Variants in ZNF706 observed in about 807,000 individuals in gnomAD.
The protein encoded by ZNF706 is transcriptional regulator ZNF706.
ZNF706 carries 4 observed loss-of-function variants against 9.2 expected under a neutral mutation model. The observed-to-expected ratio is 0.43, with a 90% CI of 0.21 to 0.99. ZNF706 has a LOEUF of 0.99. Among genes scored for constraint, ZNF706 ranks in the 50% least tolerant of loss-of-function variants. ZNF706 has a pLI of 0.26. For synonymous variants in ZNF706, 28 were observed against 27.3 expected (o/e 1.03, Z -0.08); for missense variants, 27 against 87.8 (o/e 0.31, Z 2.77).
In ZNF706 at chr8:101,205,117, G is replaced by A. The variant is rs1810705266; in HGVS notation, c.-3+318C>T. On this transcript the variant is annotated intron_variant, in intron 1 of 3. Coordinates refer to ENST00000311212, the MANE Select transcript of ZNF706 (RefSeq NM_016096.5). The surrounding 1 kb of genome is among the most constrained non-coding windows in gnomAD (Gnocchi z 6.6). ...GACCCTGGACCAAGACGCGCCTCCT[G>A]GAGGCCGAGACTGCCCGAAACCCGG... 1 of 198,070 alleles carries A rather than the reference G, an allele frequency of 5.0e-6. No individual in the cohort carries two copies. Among genetic ancestry groups the A allele is most frequent in the Non-Finnish European group, 9.1e-6 (1 of 110,196 alleles). 12.3% of individuals were successfully genotyped at this position (198,070 alleles called of 1,614,324 possible).
rs901656314 is a variant in ZNF706 at position 101,197,562 on chromosome 8, G to A, written c.*1690C>T. On this transcript the variant is annotated 3_prime_UTR_variant, in exon 4 of 4. Transcript: ENST00000311212. Reference sequence around the variant, plus strand: ...AAAAAAAAAACCAAAACTTGTGAATGGTTTTATATGATTTGTCACTAAACA... The same window carrying A: ...AAAAAAAAAACCAAAACTTGTGAATAGTTTTATATGATTTGTCACTAAACA... The A allele has an allele frequency of 6.6e-6, 1 of 151,158 alleles. No homozygotes were observed. Among genetic ancestry groups the A allele is most frequent in the Admixed American group, 6.6e-5 (1 of 15,186 alleles). The allele number at this position is 151,158 out of a possible 1,614,324, so 9.4% of individuals were successfully genotyped here.
intron 1 of ZNF706, chr8:101,203,932 T>C (rs1482560677): frequency 6.6e-6 from 1 of 152,250 alleles, no homozygotes; most frequent in Admixed American, 6.5e-5. Flanking sequence ...ATGTATTATT[T>C]GGACGACAGT....
intron 2 of ZNF706, among the ~76,000 whole-genome samples, chr8:101,200,613 T>C (rs1278813906): frequency 3.3e-5 from 5 of 152,192 alleles, no homozygotes; most frequent in African/African-American, 9.7e-5. Flanking sequence ...TAAAAGTCTG[T>C]GGTTTTGAGT....
Position 101,201,149 on chromosome 8 carries a change from C to G in ZNF706, c.135+458G>C, listed in dbSNP as rs1810542670. On this transcript the variant is annotated intron_variant, in intron 2 of 3. Transcript: ENST00000311212. This position sits in a 1 kb window ranked among gnomAD's most constrained non-coding sequence, Gnocchi z 4.5. ...CTGTTATTATTACAGTTCTTCAAATCTAATACAACACATTAATTCTAGGAA... is the reference window on the plus strand; with the variant it reads ...CTGTTATTATTACAGTTCTTCAAATGTAATACAACACATTAATTCTAGGAA... 6.2e-6 allele frequency: 1 copy of G among 161,204 alleles called. No homozygotes were observed. The highest frequency in any genetic ancestry group is 1.4e-5 in the Non-Finnish European group (1 of 72,928). 10.0% of individuals were successfully genotyped at this position (161,204 alleles called of 1,614,324 possible).
intron 3 of ZNF706, 25 bp downstream of exon 3, chr8:101,199,965 A>C: frequency 1.3e-6 from 2 of 1,531,218 alleles, no homozygotes; most frequent in Non-Finnish European, 1.8e-6. Flanking sequence ...TTATTAACAA[A>C]CCAATAGAAA....
chr8:101,204,870 G>A (rs1810695376), intron 1 of ZNF706: 20 of 985,710 alleles, frequency 2.0e-5, no homozygotes, highest in Non-Finnish European at 2.4e-5. Flanking sequence ...AAAGGAAGAG[G>A]CCCAGGCAGC....
At chr8:101,203,751 A>G (rs1810648523) in intron 1 of ZNF706, 1 of 152,160 alleles carries the variant, frequency 6.6e-6, no homozygotes, top group African/African-American at 2.4e-5. Flanking sequence ...CCACCAAACA[A>G]TGGTAAATAT....
chr8:101,199,162 AGTTT>A lies in ZNF706; in HGVS notation c.*86_*89del. 1 of 689,922 alleles carries A rather than the reference AGTTT, an allele frequency of 1.4e-6. No individual in the cohort carries two copies. The highest frequency in any genetic ancestry group is 2.6e-6 in the Non-Finnish European group (1 of 379,752). The allele number at this position is 689,922 out of a possible 1,614,324, so 42.7% of individuals were successfully genotyped here. A position where few individuals can be genotyped will look rare whatever the true frequency, so the allele number is the denominator to read the frequency against. On this transcript the variant is annotated 3_prime_UTR_variant, in exon 4 of 4. Transcript: ENST00000311212. Reference sequence around the variant, plus strand: ...AGCCCCTTTATTTTTGCTGATCAACAGTTTGTTAGAAAAGCAGCTGCAGGTATGT... The same window carrying A: ...AGCCCCTTTATTTTTGCTGATCAACAGTTAGAAAAGCAGCTGCAGGTATGT...
Position 101,199,108 on chromosome 8 carries a change from G to A in ZNF706, c.*144C>T. 1 of 612,318 alleles carries A rather than the reference G, an allele frequency of 1.6e-6. No individual in the cohort carries two copies. Among genetic ancestry groups the A allele is most frequent in the Non-Finnish European group, 2.9e-6 (1 of 339,188 alleles). The allele number at this position is 612,318 out of a possible 1,614,324, so 37.9% of individuals were successfully genotyped here. Reference sequence around the variant, plus strand: ...AATTGTCTTTGCATGAAGCCCAAGAGGGAACAGCATAAAAATGAGTGTTTC... The same window carrying A: ...AATTGTCTTTGCATGAAGCCCAAGAAGGAACAGCATAAAAATGAGTGTTTC... On this transcript the variant is annotated 3_prime_UTR_variant, in exon 4 of 4. Transcript: ENST00000311212.
Position 101,197,206 on chromosome 8 carries a change from C to T in ZNF706, c.*2046G>A, listed in dbSNP as rs763817079. The T allele has an allele frequency of 3.0e-4, 45 of 152,140 alleles. 1 individual carries two copies. The highest frequency in any genetic ancestry group is 8.8e-5 in the Non-Finnish European group (6 of 68,008). 9.4% of individuals were successfully genotyped at this position (152,140 alleles called of 1,614,324 possible). On this transcript the variant is annotated 3_prime_UTR_variant, in exon 4 of 4. Coordinates refer to ENST00000311212, the MANE Select transcript of ZNF706 (RefSeq NM_016096.5). ...TGGCAAGTAATAGAAATACAGCATA[C>T]AAATGGACCAATTCTCTCTCAGTGT... is the stretch of plus-strand genomic sequence containing the variant.
At chr8:101,204,727 C>T in intron 1 of ZNF706, 1 of 985,474 alleles carries the variant, frequency 1.0e-6, no homozygotes, top group Non-Finnish European at 1.2e-6. Context: ...GAAACGAGTT[C>T]TAAAATGAGG....
Position 101,198,997 on chromosome 8 carries a change from T to C in ZNF706, c.*255A>G. 1 of 413,300 alleles carries C rather than the reference T, an allele frequency of 2.4e-6. No homozygotes were observed. Among genetic ancestry groups the C allele is most frequent in the South Asian group, 8.3e-5 (1 of 12,082 alleles). 25.6% of individuals were successfully genotyped at this position (413,300 alleles called of 1,614,324 possible). On this transcript the variant is annotated 3_prime_UTR_variant, in exon 4 of 4. Coordinates refer to ENST00000311212, the MANE Select transcript of ZNF706 (RefSeq NM_016096.5). ...ATTTTACACAATATGAACATCAATA[T>C]AATTACAATTGTAAAAAAATTTTTT...
rs946715689 is a variant in ZNF706, at chr8:101,201,035, T to C, written c.135+572A>G. The C allele has an allele frequency of 2.5e-5, 5 of 199,270 alleles. No homozygotes were observed. The highest frequency in any genetic ancestry group is 5.4e-5 in the Non-Finnish European group (5 of 91,906). 12.3% of individuals were successfully genotyped at this position (199,270 alleles called of 1,614,324 possible). ...AAATGAGAACAATAAAAGTACTTTA[T>C]CTTATAGGGTTGTTATGTGGATTAA... On this transcript the variant is annotated intron_variant, in intron 2 of 3. Coordinates refer to ENST00000311212, the MANE Select transcript of ZNF706 (RefSeq NM_016096.5). This position sits in a 1 kb window ranked among gnomAD's most constrained non-coding sequence, Gnocchi z 4.5.
chr8:101,200,102 C>CA lies in ZNF706; in HGVS notation c.136-6dup. ...CTTAGGGTCTGGCATTTGTGTCTAA[C>CA]AAAAAATTGTGCAAAAGAGAGCTAG... On this transcript the variant is annotated splice_polypyrimidine_tract_variant and splice_region_variant and intron_variant, in intron 2 of 3. Coordinates refer to ENST00000311212, the MANE Select transcript of ZNF706 (RefSeq NM_016096.5). 1 of 1,611,178 alleles carries CA rather than the reference C, an allele frequency of 6.2e-7. No individual in the cohort carries two copies. Among genetic ancestry groups the CA allele is most frequent in the African/African-American group, 1.3e-5 (1 of 74,912 alleles).
intron 2 of ZNF706, chr8:101,200,984 TC>T: frequency 3.8e-6 from 1 of 260,818 alleles, no homozygotes; most frequent in Non-Finnish European, 8.0e-6. Flanking sequence ...TTGTTTAATT[TC>T]CATTAGTCAG....
chr8:101,201,557 G>A lies in ZNF706; in HGVS notation c.135+50C>T, dbSNP rs2212702. 75,824 of 1,571,612 alleles carry A rather than the reference G, an allele frequency of 0.048. 5,906 individuals carry two copies. Among genetic ancestry groups the A allele is most frequent in the African/African-American group, 0.35 (25,197 of 73,002 alleles). ...GGTTTCAAAATTTTAATCTATTCAA[G>A]CCAAAACTGCCCACGGGAGAGCTGT... On this transcript the variant is annotated intron_variant, in intron 2 of 3. Transcript: ENST00000311212. The surrounding 1 kb of genome is among the most constrained non-coding windows in gnomAD (Gnocchi z 4.5).
intron 3 of ZNF706, 33 bp from the exon 4 acceptor site, chr8:101,199,272 T>A (rs1367228277): frequency 2.9e-6 from 2 of 700,660 alleles, no homozygotes; most frequent in Admixed American, 2.0e-5. Flanking sequence ...TCAATGAATG[T>A]TACCATTGCA....
chr8:101,200,698 C>G (rs1243682737), intron 2 of ZNF706: 2 of 152,916 alleles, frequency 1.3e-5, no homozygotes, highest in Non-Finnish European at 1.5e-5. Context: ...AAAATTTGCA[C>G]CCTGCCTCTT....
At position 101,201,831 on chromosome 8, in the gene ZNF706, TTAAG is replaced by T. The variant is rs1810569406; in HGVS notation, c.-2-92_-2-89del. 1.7e-5 allele frequency: 23 copies of T among 1,353,364 alleles called. No homozygotes were observed. The highest frequency in any genetic ancestry group is 2.4e-5 in the East Asian group (1 of 42,084). The allele number at this position is 1,353,364 out of a possible 1,614,324, so 83.8% of individuals were successfully genotyped here. A position where few individuals can be genotyped will look rare whatever the true frequency, so the allele number is the denominator to read the frequency against. On this transcript the variant is annotated intron_variant, in intron 1 of 3. Transcript: ENST00000311212. The surrounding 1 kb of genome is among the most constrained non-coding windows in gnomAD (Gnocchi z 4.5). ...TAAGAACGTTCTTAGAATTGAAGCC[TTAAG>T]TTTTATAGAAATATCTGGCAAATAA...
Sources: allele counts gnomAD v4.1 joint callset (sites outside exome capture counted in the v4.1 genomes callset), GRCh38; gene constraint gnomAD v4.1.1; non-coding constraint Gnocchi (gnomAD v3.1); transcripts MANE v1.5; gene names NCBI Gene and HGNC (gene_info 2026-07-23, HGNC 2026-07-21).